EYS: variants seen among roughly 807,000 people sequenced by gnomAD.
EYS encodes EGF-like photoreceptor maintenance factor.
In EYS, 250 loss-of-function variants were observed where a neutral mutation model predicts 282.1. The ratio of observed to expected loss-of-function variants is 0.89; its 90% confidence interval spans 0.80 to 0.98. The LOEUF (loss-of-function observed/expected upper bound fraction) is 0.98. Ranked by LOEUF, EYS falls within the 50% of genes least tolerant of loss-of-function variation. The pLI, the probability that EYS is intolerant of heterozygous loss-of-function variation, is 0.00. For synonymous variants in EYS, 1,355 were observed against 1,282.9 expected (o/e 1.06, Z -1.20); for missense variants, 4,016 against 3,709.0 (o/e 1.08, Z -2.15).
At chr6:64,822,874 T>G in intron 19 of EYS, 52 bp from the exon 20 acceptor site, 1 of 1,469,356 alleles carries the variant, frequency 6.8e-7, no homozygotes, top group Admixed American at 2.2e-5. Flanking sequence ...TACAAAACTC[T>G]TAAAAGTTTG....
intron 24 of EYS, among the ~76,000 whole-genome samples, chr6:64,616,409 G>A (rs1043417206): frequency 1.3e-5 from 2 of 152,230 alleles, no homozygotes; most frequent in African/African-American, 2.4e-5. Flanking sequence ...TCAGAGAAAG[G>A]AAGATATCTG....
intron 14 of EYS, among the ~76,000 whole-genome samples, chr6:64,961,717 C>A (rs1401271169): frequency 6.6e-6 from 1 of 151,844 alleles, no homozygotes; most frequent in Non-Finnish European, 1.5e-5. Context: ...CCTCTCCCAA[C>A]TCACAATCCT....
chr6:63,742,044 C>A, intron 41 of EYS: 1 of 692,382 alleles, frequency 1.4e-6, no homozygotes, highest in South Asian at 1.5e-5. Context: ...AGTCTAATAT[C>A]TTCTGTCGTG....
chr6:65,375,514 G>T (rs1765330351), intron 8 of EYS, among the ~76,000 whole-genome samples: 1 of 152,028 alleles, frequency 6.6e-6, no homozygotes, highest in Non-Finnish European at 1.5e-5. Context: ...TCCAGCAAGG[G>T]CACAAAACTG....
At chr6:65,370,404 T>C (rs1190363723) in intron 8 of EYS, among the ~76,000 whole-genome samples, 2 of 146,992 alleles carry the variant, frequency 1.4e-5, no homozygotes, top group Non-Finnish European at 3.0e-5. Flanking sequence ...TATGGATGCG[T>C]GCCACCAGAT....
At chr6:64,667,513 C>CTT (rs35451751) in intron 22 of EYS, among the ~76,000 whole-genome samples, 1 of 147,872 alleles carries the variant, frequency 6.8e-6, no homozygotes, top group African/African-American at 2.5e-5. Context: ...GAACTTATGA[C>CTT]TTTTTTTTTT....
chr6:64,500,122 G>A (rs113684595), intron 26 of EYS, among the ~76,000 whole-genome samples: 1,577 of 152,146 alleles, frequency 0.01, 28 homozygotes, highest in African/African-American at 0.036. Context: ...TTAGCTAAAT[G>A]TAATCATTTT....
At chr6:64,038,971 A>AT (rs1446312256) in intron 33 of EYS, among the ~76,000 whole-genome samples, 20 of 151,998 alleles carry the variant, frequency 1.3e-4, no homozygotes, top group African/African-American at 4.8e-4. Flanking sequence ...TGTATGGCTA[A>AT]TTTTTGTATT....
At chr6:65,427,594 C>T (rs1024243969) in intron 5 of EYS, among the ~76,000 whole-genome samples, 2 of 151,784 alleles carry the variant, frequency 1.3e-5, no homozygotes, top group Admixed American at 6.6e-5. Context: ...AGAATTACTT[C>T]GAAGATAGGC....
chr6:65,280,894 A>G (rs1768200959), intron 12 of EYS, among the ~76,000 whole-genome samples: 2 of 147,696 alleles, frequency 1.4e-5, no homozygotes, highest in East Asian at 3.9e-4. Context: ...AAATCAGCTG[A>G]GTGTGGTGGT....
intron 13 of EYS, among the ~76,000 whole-genome samples, chr6:65,014,849 G>A (rs957216442): frequency 6.6e-6 from 1 of 152,144 alleles, no homozygotes; most frequent in African/African-American, 2.4e-5. Flanking sequence ...AGAATTTGCA[G>A]ATTTGATTAA....
At chr6:64,957,363 G>A (rs1022058185) in intron 14 of EYS, among the ~76,000 whole-genome samples, 4 of 152,014 alleles carry the variant, frequency 2.6e-5, no homozygotes, top group African/African-American at 4.8e-5. Flanking sequence ...TTAGTTGTGA[G>A]ACCTATAAAT....
At chr6:65,173,267 G>A (rs947856887) in intron 12 of EYS, among the ~76,000 whole-genome samples, 4 of 151,232 alleles carry the variant, frequency 2.6e-5, no homozygotes, top group South Asian at 2.1e-4. Context: ...CATGCTTCCC[G>A]AAAATGATGA....
chr6:64,960,591 T>G (rs879787118), intron 14 of EYS, among the ~76,000 whole-genome samples: 1 of 152,202 alleles, frequency 6.6e-6, no homozygotes, highest in Non-Finnish European at 1.5e-5. Context: ...CCAAAATCTT[T>G]GATGTCACAA....
chr6:64,945,369 A>G (rs1248453910), intron 15 of EYS, among the ~76,000 whole-genome samples: 1 of 152,082 alleles, frequency 6.6e-6, no homozygotes, highest in Admixed American at 6.6e-5. Context: ...TATAAAATAT[A>G]TCAAAAATTT....
intron 12 of EYS, among the ~76,000 whole-genome samples, chr6:65,139,039 A>G (rs1054217524): frequency 7.2e-5 from 11 of 152,066 alleles, no homozygotes. Flanking sequence ...TTCTCAAAGA[A>G]CTTAAAACAG....
chr6:63,983,735 C>A (rs1044724078), intron 35 of EYS, among the ~76,000 whole-genome samples: 7 of 151,712 alleles, frequency 4.6e-5, no homozygotes, highest in Non-Finnish European at 1.0e-4. Flanking sequence ...ATAAAGAATT[C>A]TCAGATGACT....
chr6:64,852,456 C>A lies in EYS; in HGVS notation c.2993-29634G>T, dbSNP rs377648393. Among the ~76,000 whole-genome samples the A allele has an allele frequency of 2.1e-3, 324 of 152,232 alleles. 1 individual carries two copies. The highest frequency in any genetic ancestry group is 7.6e-3 in the African/African-American group (314 of 41,550). On this transcript the variant is annotated intron_variant, in intron 19 of 42. Coordinates refer to ENST00000503581, the MANE Select transcript of EYS (RefSeq NM_001142800.2). ...TCAGCTTTGGGACTCAGACTGACTTCCTTGCTCCTCAGCTTGCAGACAGCC... is the reference window on the plus strand; with the variant it reads ...TCAGCTTTGGGACTCAGACTGACTTACTTGCTCCTCAGCTTGCAGACAGCC...
intron 12 of EYS, among the ~76,000 whole-genome samples, chr6:65,143,283 G>T (rs919267354): frequency 2.0e-5 from 3 of 151,512 alleles, no homozygotes; most frequent in Admixed American, 6.6e-5. Flanking sequence ...TGTACCACAG[G>T]ATATAGTATA....
Sources: gnomAD v4.1 joint callset for allele counts (sites outside exome capture counted in the v4.1 genomes callset) on GRCh38, gnomAD v4.1.1 for gene constraint, MANE v1.5 for transcripts, NCBI Gene and HGNC (gene_info 2026-07-23, HGNC 2026-07-21) for gene names.